CNBD1: variants seen among roughly 807,000 people sequenced by gnomAD.
The protein encoded by CNBD1 is cyclic nucleotide binding domain containing 1, also known as cyclic nucleotide-binding domain-containing protein 1.
CNBD1 carries 71 observed loss-of-function variants against 54.4 expected under a neutral mutation model. The ratio of observed to expected loss-of-function variants is 1.30; its 90% CI spans 1.08 to 1.59. The LOEUF (loss-of-function observed/expected upper bound fraction) is 1.59. Ranked by LOEUF, CNBD1 falls within the 40% of genes most tolerant of loss-of-function variation. The pLI is 0.00. For synonymous variants in CNBD1, 182 were observed against 170.7 expected (o/e 1.07, Z -0.51); for missense variants, 659 against 518.0 (o/e 1.27, Z -2.64).
chr8:87,331,873 G>A (rs1809840081), intron 8 of CNBD1, among the ~76,000 whole-genome samples: 1 of 152,090 alleles, frequency 6.6e-6, no homozygotes, highest in Non-Finnish European at 1.5e-5. Flanking sequence ...TTTGAGAAGT[G>A]TCTGTTCATA....
At chr8:86,894,116 C>T (rs1245202993) in intron 2 of CNBD1, among the ~76,000 whole-genome samples, 2 of 117,140 alleles carry the variant, frequency 1.7e-5, no homozygotes, top group South Asian at 3.0e-4. Flanking sequence ...CTGCGGACTG[C>T]AGTGGCGCAA....
rs1451182252 is a variant in CNBD1 at position 87,099,051 on chromosome 8, A to AC, written c.432-106942_432-106941insC. ...CTGTGTCTCAAAAAAAAAAAAAAAA[A>AC]AAAAAAAAACAAAACTCCAAATTTT... On this transcript the variant is annotated intron_variant, in intron 4 of 10. Transcript: ENST00000518476. 7.3e-4 allele frequency among the ~76,000 whole-genome samples: 110 copies of AC among 150,882 alleles called. 1 individual carries two copies. Among genetic ancestry groups the AC allele is most frequent in the Non-Finnish European group, 1.4e-3 (92 of 67,722 alleles).
chr8:87,035,901 G>T lies in CNBD1; in HGVS notation c.431+96147G>T, dbSNP rs146744713. ...CTTCAGCTCCAGATGTTACATTCCA[G>T]CTAGCAGAAAGAAGAATGAGATGAA... On this transcript the variant is annotated intron_variant, in intron 4 of 10. Transcript: ENST00000518476. Among the ~76,000 whole-genome samples the T allele has an allele frequency of 2.8e-4, 43 of 152,236 alleles. No homozygotes were observed. In the East Asian group the frequency reaches 8.1e-3, roughly 29 times the overall value.
intron 5 of CNBD1, among the ~76,000 whole-genome samples, chr8:87,231,550 T>G (rs1262908219): frequency 1.3e-5 from 2 of 152,194 alleles, no homozygotes; most frequent in Non-Finnish European, 2.9e-5. Context: ...GGTTATAATA[T>G]GTTTAGAATA....
chr8:87,209,969 C>T (rs774477543), intron 5 of CNBD1, among the ~76,000 whole-genome samples: 3 of 152,140 alleles, frequency 2.0e-5, no homozygotes, highest in African/African-American at 7.2e-5. Flanking sequence ...ATGCAGTTCT[C>T]ATGATACTGA....
intron 5 of CNBD1, among the ~76,000 whole-genome samples, chr8:87,209,282 C>A (rs903623604): frequency 3.3e-5 from 5 of 151,908 alleles, no homozygotes; most frequent in African/African-American, 1.2e-4. Context: ...TTTTATGAGG[C>A]CAGCATTACC....
intron 2 of CNBD1, among the ~76,000 whole-genome samples, chr8:87,398,234 G>A (rs1186320084): frequency 7.2e-6 from 1 of 139,248 alleles, no homozygotes; most frequent in African/African-American, 3.2e-5. Flanking sequence ...CTATTTTCTG[G>A]AGATATCTAA....
At chr8:87,039,805 C>T (rs1051037419) in intron 4 of CNBD1, among the ~76,000 whole-genome samples, 2 of 152,170 alleles carry the variant, frequency 1.3e-5, no homozygotes, top group South Asian at 2.1e-4. Context: ...GGAAATGACT[C>T]CCTATGGAGA....
chr8:87,127,951 C>T (rs1186235125), intron 4 of CNBD1, among the ~76,000 whole-genome samples: 3 of 152,040 alleles, frequency 2.0e-5, no homozygotes, highest in African/African-American at 7.3e-5. Context: ...CCCATATAAA[C>T]CCCAAACCCC....
At chr8:87,158,514 T>C (rs1563490410) in intron 4 of CNBD1, among the ~76,000 whole-genome samples, 2 of 152,124 alleles carry the variant, frequency 1.3e-5, no homozygotes, top group African/African-American at 4.8e-5. Flanking sequence ...GGGTTCACTT[T>C]CCTTTCCTCA....
chr8:87,120,531 T>C (rs1811869119), intron 4 of CNBD1, among the ~76,000 whole-genome samples: 2 of 151,900 alleles, frequency 1.3e-5, no homozygotes, highest in Admixed American at 1.3e-4. Context: ...TTTTCTTGAG[T>C]ATTGATTTGT....
chr8:87,089,265 A>G (rs1016964714), intron 4 of CNBD1, among the ~76,000 whole-genome samples: 3 of 152,140 alleles, frequency 2.0e-5, no homozygotes, highest in Non-Finnish European at 2.9e-5. Context: ...TATTAAAAGT[A>G]TGAGCTTGAG....
intron 4 of CNBD1, among the ~76,000 whole-genome samples, chr8:86,940,696 A>T (rs1177678958): frequency 1.3e-5 from 2 of 152,154 alleles, no homozygotes; most frequent in Non-Finnish European, 2.9e-5. Context: ...TAGGAAATTC[A>T]ACTAGAATAT....
At chr8:87,424,967 G>A (rs533369922) in intron 2 of CNBD1, among the ~76,000 whole-genome samples, 5 of 152,204 alleles carry the variant, frequency 3.3e-5, no homozygotes, top group East Asian at 1.9e-4. Flanking sequence ...CCAATCAGAC[G>A]TAGATTTGGT....
chr8:86,941,242 G>T (rs1338363441), intron 4 of CNBD1, among the ~76,000 whole-genome samples: 1 of 152,170 alleles, frequency 6.6e-6, no homozygotes, highest in Non-Finnish European at 1.5e-5. Flanking sequence ...ACCTGTCATA[G>T]AAGAGTAAAA....
intron 3 of CNBD1, among the ~76,000 whole-genome samples, chr8:86,926,368 G>C (rs1809361422): frequency 6.6e-6 from 1 of 152,146 alleles, no homozygotes; most frequent in African/African-American, 2.4e-5. Flanking sequence ...GGTGTCCTCA[G>C]TAGAAGTTTT....
At chr8:87,004,464 CATTTT>C (rs1809055156) in intron 4 of CNBD1, among the ~76,000 whole-genome samples, 1 of 150,640 alleles carries the variant, frequency 6.6e-6, no homozygotes, top group Admixed American at 6.6e-5. Flanking sequence ...TAAATATAAA[CATTTT>C]ATATTACTCA....
At chr8:86,885,526 T>A (rs1431436967) in intron 1 of CNBD1, among the ~76,000 whole-genome samples, 1 of 152,202 alleles carries the variant, frequency 6.6e-6, no homozygotes, top group African/African-American at 2.4e-5. Context: ...GGAAAACAAA[T>A]GTAAACTTTA....
At position 86,866,458 on chromosome 8, in the gene CNBD1, G is replaced by T. The variant is rs780963093; in HGVS notation, c.-38G>T. ...CAAAGAGTGATCATTTGCCTCTCAA[G>T]CAGCCTCTGGTCATCTATCTGCCTT... On this transcript the variant is annotated 5_prime_UTR_variant, in exon 1 of 11. Coordinates refer to ENST00000518476, the MANE Select transcript of CNBD1 (RefSeq NM_173538.3). 12 of 1,497,768 alleles carry T rather than the reference G, an allele frequency of 8.0e-6. No homozygotes were observed. The South Asian group carries it at 1.2e-4, about 15-fold the overall frequency. The allele number at this position is 1,497,768 out of a possible 1,614,324, so 92.8% of individuals were successfully genotyped here.
Sources: gnomAD v4.1 joint callset for allele counts (sites outside exome capture counted in the v4.1 genomes callset) on GRCh38, gnomAD v4.1.1 for gene constraint, MANE v1.5 for transcripts, NCBI Gene and HGNC (gene_info 2026-07-23, HGNC 2026-07-21) for gene names.